The following SRPK2 variants were observed in gnomAD, a reference collection of about 807,000 sequenced individuals.
SRPK2 encodes SFRS protein kinase 2.
SRPK2 carries 21 observed loss-of-function variants against 90.8 expected under a neutral mutation model. That is an observed-to-expected ratio of 0.23 (90% confidence interval 0.16 to 0.33). The LOEUF is 0.33. SRPK2 is among the 10% of genes least tolerant of loss of function. SRPK2 has a pLI of 1.00. For synonymous variants in SRPK2, 288 were observed against 311.1 expected, an observed-to-expected ratio of 0.93 and a Z score of 0.78; for missense variants, 620 against 869.0, an observed-to-expected ratio of 0.71 and a Z score of 3.60.
intron 2 of SRPK2, among the ~76,000 whole-genome samples, chr7:105,214,923 C>T (rs1039377526): frequency 6.6e-6 from 1 of 152,134 alleles, no homozygotes; most frequent in African/African-American, 2.4e-5. Flanking sequence ...CTGGGGGATT[C>T]GCACTTTCCA....
chr7:105,230,817 AAACC>A (rs1563116119), intron 2 of SRPK2, among the ~76,000 whole-genome samples: 1 of 152,220 alleles, frequency 6.6e-6, no homozygotes, highest in African/African-American at 2.4e-5. Context: ...TCTGGAAAAT[AAACC>A]AACCATTTTT....
chr7:105,135,651 T>A (rs745865205), intron 11 of SRPK2, among the ~76,000 whole-genome samples: 11 of 152,262 alleles, frequency 7.2e-5, no homozygotes, highest in South Asian at 2.1e-4. Context: ...ATCTGTAATC[T>A]GCCACCACTC....
At chr7:105,170,901 AAGAAAGAAAGAAAGGAG>A (rs1563025885) in intron 3 of SRPK2, among the ~76,000 whole-genome samples, 29 of 123,398 alleles carry the variant, frequency 2.4e-4, no homozygotes, top group East Asian at 7.4e-4. Flanking sequence ...GAAAGAAAGA[AAGAAAGAAAGAAAGGAG>A]AAAGAAAAAG....
At chr7:105,204,151 G>A (rs1013664798) in intron 2 of SRPK2, among the ~76,000 whole-genome samples, 1 of 152,178 alleles carries the variant, frequency 6.6e-6, no homozygotes, top group Non-Finnish European at 1.5e-5. Context: ...TTATTGGTTA[G>A]AAAACATCAC....
chr7:105,385,566 G>A (rs1018973514), intron 2 of SRPK2, among the ~76,000 whole-genome samples: 2 of 152,038 alleles, frequency 1.3e-5, no homozygotes, highest in South Asian at 2.1e-4. Flanking sequence ...TCTGACTCCT[G>A]CCTCCCATCA....
intron 2 of SRPK2, among the ~76,000 whole-genome samples, chr7:105,252,758 T>C (rs1802656268): frequency 6.6e-6 from 1 of 151,314 alleles, no homozygotes; most frequent in South Asian, 2.1e-4. Context: ...TTTTTTTTTT[T>C]TTGAGACAGA....
intron 3 of SRPK2, among the ~76,000 whole-genome samples, chr7:105,170,821 GAA>G (rs1194363686): frequency 1.3e-4 from 15 of 115,394 alleles, no homozygotes; most frequent in African/African-American, 4.6e-4. Context: ...GAGAGGGAGA[GAA>G]AGAGAAAGAA....
chr7:105,334,561 G>C (rs1298275429), intron 2 of SRPK2, among the ~76,000 whole-genome samples: 2 of 152,080 alleles, frequency 1.3e-5, no homozygotes, highest in African/African-American at 4.8e-5. Flanking sequence ...AGTTTGGCTG[G>C]GCACGGTGGC....
intron 7 of SRPK2, among the ~76,000 whole-genome samples, chr7:105,150,438 G>A (rs1011292812): frequency 6.6e-6 from 1 of 152,210 alleles, no homozygotes; most frequent in East Asian, 1.9e-4. Context: ...AAGAGGCTGA[G>A]GCACAAGGCG....
At chr7:105,225,899 G>C (rs1051647556) in intron 2 of SRPK2, among the ~76,000 whole-genome samples, 1 of 152,096 alleles carries the variant, frequency 6.6e-6, no homozygotes, top group African/African-American at 2.4e-5. Context: ...AGCAAACAAA[G>C]ATTCAGCACA....
intron 2 of SRPK2, among the ~76,000 whole-genome samples, chr7:105,319,634 TC>T (rs1812710936): frequency 6.6e-6 from 1 of 151,542 alleles, no homozygotes; most frequent in Admixed American, 6.6e-5. Flanking sequence ...AATATTTAAG[TC>T]CTTGTGGAGG....
chr7:105,124,368 G>A (rs1316670925), intron 15 of SRPK2, among the ~76,000 whole-genome samples: 7 of 151,236 alleles, frequency 4.6e-5, no homozygotes, highest in African/African-American at 7.2e-5. Context: ...ACAGCCAGGC[G>A]CAGTGGCTCA....
chr7:105,297,868 A>T (rs1208648915), intron 2 of SRPK2, among the ~76,000 whole-genome samples: 1 of 151,644 alleles, frequency 6.6e-6, no homozygotes, highest in Non-Finnish European at 1.5e-5. Flanking sequence ...CAGCCTCCCA[A>T]GTAGCTGGAA....
At chr7:105,197,485 C>A (rs1309553683) in intron 3 of SRPK2, among the ~76,000 whole-genome samples, 1 of 152,166 alleles carries the variant, frequency 6.6e-6, no homozygotes, top group Non-Finnish European at 1.5e-5. Flanking sequence ...GACATGCCTT[C>A]CCCAGATCCA....
intron 2 of SRPK2, among the ~76,000 whole-genome samples, chr7:105,228,619 G>A (rs1799021323): frequency 6.6e-6 from 1 of 152,220 alleles, no homozygotes; most frequent in Non-Finnish European, 1.5e-5. Flanking sequence ...GGAACTAAGA[G>A]AGCAGTGTAA....
At chr7:105,139,675 C>T (rs537030611) in intron 11 of SRPK2, among the ~76,000 whole-genome samples, 2 of 152,260 alleles carry the variant, frequency 1.3e-5, no homozygotes, top group South Asian at 4.2e-4. Context: ...TTGTGATGAC[C>T]AAGGCAACTT....
intron 2 of SRPK2, among the ~76,000 whole-genome samples, chr7:105,260,547 G>T (rs549853396): frequency 1.3e-5 from 2 of 152,116 alleles, no homozygotes; most frequent in Non-Finnish European, 2.9e-5. Flanking sequence ...ATACCCAAAG[G>T]ACTATAAATC....
At chr7:105,171,157 G>A (rs946045509) in intron 3 of SRPK2, among the ~76,000 whole-genome samples, 1 of 151,998 alleles carries the variant, frequency 6.6e-6, no homozygotes, top group Admixed American at 6.6e-5. Flanking sequence ...ATTCTTGAGG[G>A]CAAGTAGGGT....
chr7:105,354,953 T>A (rs1218629329), intron 2 of SRPK2, among the ~76,000 whole-genome samples: 1 of 152,132 alleles, frequency 6.6e-6, no homozygotes, highest in Non-Finnish European at 1.5e-5. Flanking sequence ...TCTCTATGAG[T>A]TTGCTTATTC....
Sources: allele counts gnomAD v4.1 joint callset (sites outside exome capture counted in the v4.1 genomes callset), GRCh38; gene constraint gnomAD v4.1.1; transcripts MANE v1.5; gene names NCBI Gene and HGNC (gene_info 2026-07-23, HGNC 2026-07-21).